Variants in DSCAML1 observed in about 807,000 individuals in gnomAD.
DSCAML1 encodes the protein cell adhesion molecule DSCAML1.
Under a neutral mutation model 200.5 loss-of-function variants are expected in DSCAML1, and 38 were observed. The observed-to-expected ratio is 0.19, with a 90% CI of 0.15 to 0.25. DSCAML1 has a LOEUF of 0.25. Among genes scored for constraint, DSCAML1 ranks in the 10% least tolerant of loss-of-function variants. DSCAML1 has a pLI of 1.00. For synonymous variants in DSCAML1, 1,215 were observed against 1,165.0 expected (o/e 1.04, Z -0.87); for missense variants, 2,223 against 2,858.8 (o/e 0.78, Z 5.07).
chr11:117,650,700 T>TGTGTGTGCGC (rs147584706), intron 3 of DSCAML1, among the ~76,000 whole-genome samples: 25,059 of 146,674 alleles, frequency 0.17, 2,707 homozygotes, highest in Non-Finnish European at 0.22. Context: ...TGTGTGTGTG[T>TGTGTGTGCGC]GCGTGTGTGT....
chr11:117,537,551 CATCCCCCCAACAAATTA>C (rs2050192564), intron 3 of DSCAML1, among the ~76,000 whole-genome samples: 1 of 152,160 alleles, frequency 6.6e-6, no homozygotes, highest in Non-Finnish European at 1.5e-5. Flanking sequence ...GGTTGAATAG[CATCCCCCCAACAAATTA>C]GTGCCTCCTA....
intron 32 of DSCAML1, among the ~76,000 whole-genome samples, chr11:117,429,830 C>T (rs1330299520): frequency 1.4e-4 from 22 of 152,318 alleles, no homozygotes; most frequent in African/African-American, 3.6e-4. Context: ...TGAATCCTCA[C>T]GACAGCCCCT....
At position 117,463,364 on chromosome 11, in the gene DSCAML1, C is replaced by CTT. The variant is rs540060838; in HGVS notation, c.3265+1576_3265+1577dup. On this transcript the variant is annotated intron_variant, in intron 17 of 32. Transcript: ENST00000651296. The surrounding 1 kb of genome is among the most constrained non-coding windows in gnomAD (Gnocchi z 4.0). Reference sequence around the variant, plus strand: ...GGGAACTTATTAGAAATAATACATCCTTTTTTTTTTTTTTTTAGAGATGGG... The same window carrying CTT: ...GGGAACTTATTAGAAATAATACATCCTTTTTTTTTTTTTTTTTTAGAGATGGG... Among the ~76,000 whole-genome samples, 937 of 141,444 alleles carry CTT rather than the reference C, an allele frequency of 6.6e-3. 12 individuals are homozygous for CTT. Among genetic ancestry groups the CTT allele is most frequent in the African/African-American group, 0.022 (866 of 38,660 alleles). The allele number at this position is 141,444 out of a possible 152,430, so 92.8% of individuals were successfully genotyped here. A position where few individuals can be genotyped will look rare whatever the true frequency, so the allele number is the denominator to read the frequency against.
At chr11:117,495,736 A>G (rs930036356) in intron 11 of DSCAML1, among the ~76,000 whole-genome samples, 1 of 151,858 alleles carries the variant, frequency 6.6e-6, no homozygotes, top group Non-Finnish European at 1.5e-5. Flanking sequence ...CTCCATTTCT[A>G]TTGGTGGGAC....
At chr11:117,694,093 A>ATATATATATATACACATATATATATATT (rs1555199525) in intron 3 of DSCAML1, among the ~76,000 whole-genome samples, 2 of 146,372 alleles carry the variant, frequency 1.4e-5, no homozygotes, top group Non-Finnish European at 3.0e-5. Flanking sequence ...ATATATATAT[A>ATATATATATATACACATATATATATATT]TTTTTTAAAT....
In DSCAML1 at chr11:117,558,853, G is replaced by A. The variant is rs573832897; in HGVS notation, c.512-26331C>T. ...GCTAACAGAACAAAAATTTTACAGTGCTTTCTCATACAATGTCTGGAATTT... is the reference window on the plus strand; with the variant it reads ...GCTAACAGAACAAAAATTTTACAGTACTTTCTCATACAATGTCTGGAATTT... On this transcript the variant is annotated intron_variant, in intron 3 of 32. Coordinates refer to ENST00000651296, the MANE Select transcript of DSCAML1 (RefSeq NM_020693.4). Among the ~76,000 whole-genome samples the A allele has an allele frequency of 2.8e-4, 43 of 152,306 alleles. No homozygotes were observed. In the South Asian group the frequency reaches 5.4e-3, roughly 19 times the overall value.
intron 3 of DSCAML1, among the ~76,000 whole-genome samples, chr11:117,639,857 C>A (rs2052369069): frequency 1.3e-5 from 2 of 152,062 alleles, no homozygotes; most frequent in East Asian, 3.9e-4. Flanking sequence ...CTGCAAGGCT[C>A]ACCGCCCATC....
intron 3 of DSCAML1, among the ~76,000 whole-genome samples, chr11:117,689,249 G>A (rs2053456883): frequency 6.6e-6 from 1 of 152,258 alleles, no homozygotes; most frequent in Non-Finnish European, 1.5e-5. Context: ...AAGCAGAGCT[G>A]TTTGCGTGTT....
intron 3 of DSCAML1, among the ~76,000 whole-genome samples, chr11:117,627,224 G>A (rs980668336): frequency 1.2e-4 from 19 of 152,118 alleles, no homozygotes; most frequent in African/African-American, 4.3e-4. Context: ...CGGAGATGGC[G>A]GGAGTTTTCC....
intron 30 of DSCAML1, 148 bp from the exon 31 acceptor site, chr11:117,431,876 C>T: frequency 1.4e-6 from 1 of 712,192 alleles, no homozygotes; most frequent in Non-Finnish European, 2.2e-6. Flanking sequence ...CTTTCCTAAC[C>T]ACATCGCTGT....
chr11:117,521,209 C>G lies in DSCAML1; in HGVS notation c.1134G>C (p.Lys378Asn). 1 of 1,614,172 alleles carries G rather than the reference C, an allele frequency of 6.2e-7. No individual in the cohort carries two copies. Residue 378 changes from lysine to asparagine, a missense_variant, in exon 6 of 33, where the codon AAG (lysine) becomes AAC (asparagine). By Grantham distance (94) the Lys-to-Asn change is moderately conservative (BLOSUM62 0). Coordinates refer to ENST00000651296, the MANE Select transcript of DSCAML1 (RefSeq NM_020693.4). ...AGCACTGGTAGGCCCCGGAATGGCTCTTCTGGGCCGAGGTGATGAGCAGCG... is the reference window on the plus strand; with the variant it reads ...AGCACTGGTAGGCCCCGGAATGGCTGTTCTGGGCCGAGGTGATGAGCAGCG... ...NETLLITSAQ[K>N]SHSGAYQCFA...
intron 8 of DSCAML1, among the ~76,000 whole-genome samples, chr11:117,510,273 C>G (rs959165956): frequency 3.3e-5 from 5 of 152,180 alleles, no homozygotes; most frequent in Non-Finnish European, 5.9e-5. Flanking sequence ...CCTTGCAGCA[C>G]GGAGATGGGG....
chr11:117,730,489 A>AT (rs1438884370), intron 3 of DSCAML1, among the ~76,000 whole-genome samples: 1 of 152,154 alleles, frequency 6.6e-6, no homozygotes, highest in Non-Finnish European at 1.5e-5. Context: ...AAGCCACTAC[A>AT]TTTGTGGTAA....
intron 3 of DSCAML1, among the ~76,000 whole-genome samples, chr11:117,533,857 C>CA (rs2050122823): frequency 6.6e-6 from 1 of 152,210 alleles, no homozygotes; most frequent in African/African-American, 2.4e-5. Context: ...TGTGTCCTCC[C>CA]ACTGAGGCCA....
intron 1 of DSCAML1, chr11:117,817,309 G>A (rs995645746): frequency 6.6e-6 from 1 of 152,414 alleles, no homozygotes; most frequent in Non-Finnish European, 1.5e-5. Flanking sequence ...TCCCCAGATG[G>A]TGAAACAAGT....
chr11:117,581,799 A>G (rs750404493), intron 3 of DSCAML1, among the ~76,000 whole-genome samples: 6 of 152,346 alleles, frequency 3.9e-5, no homozygotes, highest in Non-Finnish European at 5.9e-5. Flanking sequence ...ATTTAAGCTC[A>G]GAGTTTCTAA....
chr11:117,500,891 A>C (rs2049381299), intron 11 of DSCAML1, among the ~76,000 whole-genome samples: 1 of 152,188 alleles, frequency 6.6e-6, no homozygotes, highest in African/African-American at 2.4e-5. Flanking sequence ...CTGAGAGTTC[A>C]TGAAAGTGTG....
intron 11 of DSCAML1, among the ~76,000 whole-genome samples, chr11:117,492,172 T>G (rs144017290): frequency 6.6e-6 from 1 of 152,158 alleles, no homozygotes; most frequent in African/African-American, 2.4e-5. Context: ...CAGGGCTGGA[T>G]GAGCCCTCCT....
At chr11:117,700,666 G>A (rs1485954702) in intron 3 of DSCAML1, among the ~76,000 whole-genome samples, 1 of 152,224 alleles carries the variant, frequency 6.6e-6, no homozygotes, top group Non-Finnish European at 1.5e-5. Context: ...TCAATATGGG[G>A]AAGCAAGGAG....
Sources: allele counts gnomAD v4.1 joint callset (sites outside exome capture counted in the v4.1 genomes callset), GRCh38; gene constraint gnomAD v4.1.1; non-coding constraint Gnocchi (gnomAD v3.1); transcripts MANE v1.5; gene names NCBI Gene and HGNC (gene_info 2026-07-23, HGNC 2026-07-21).